MAGI1: variants seen among roughly 807,000 people sequenced by gnomAD.
The protein encoded by MAGI1 is membrane-associated guanylate kinase, WW and PDZ domain-containing protein 1.
A neutral mutation model predicts 139.9 loss-of-function variants in MAGI1; 58 were observed. The observed-to-expected ratio is 0.41, with a 90% CI of 0.34 to 0.52. The LOEUF (loss-of-function observed/expected upper bound fraction) is 0.52. Ranked by LOEUF, MAGI1 falls within the 20% of genes least tolerant of loss-of-function variation. The probability of loss-of-function intolerance (pLI) is 0.12; values close to 1 mark genes in which losing one functional copy is unlikely to be tolerated. For missense variants in MAGI1, 1,874 were observed against 1,901.6 expected (o/e 0.99, Z 0.27); for synonymous variants, 812 against 737.9 (o/e 1.10, Z -1.63).
chr3:65,795,149 A>G (rs2040040992), intron 1 of MAGI1, among the ~76,000 whole-genome samples: 1 of 152,378 alleles, frequency 6.6e-6, no homozygotes, highest in South Asian at 2.1e-4. Flanking sequence ...TTGTGCTTTT[A>G]AATGAGAAAA....
chr3:65,357,004 GTGA>G lies in MAGI1; in HGVS notation c.3760_3762del (p.Ser1254del). 6.2e-7 allele frequency: 1 copy of G among 1,614,198 alleles called. No homozygotes were observed. Among genetic ancestry groups the G allele is most frequent in the Non-Finnish European group, 8.5e-7 (1 of 1,180,030 alleles). On this transcript the variant is annotated inframe_deletion, in exon 23 of 23. Transcript: ENST00000402939. The stretch of plus-strand genomic sequence containing the variant: ...GCGTGTGCCCGCTTTTCCCCATGTG[GTGA>G]TGATTTGTGAAGATCGGGTGGGTAA...
chr3:65,406,666 G>A (rs577046770), intron 12 of MAGI1, among the ~76,000 whole-genome samples: 6 of 146,470 alleles, frequency 4.1e-5, no homozygotes, highest in Non-Finnish European at 7.6e-5. Flanking sequence ...TTACAGTTTC[G>A]CAAGGCAAAT....
At chr3:65,812,920 A>G (rs1454626231) in intron 1 of MAGI1, among the ~76,000 whole-genome samples, 2 of 151,598 alleles carry the variant, frequency 1.3e-5, no homozygotes, top group African/African-American at 4.8e-5. Context: ...CATGTTGGTG[A>G]GGCTGGTCTC....
At chr3:65,666,058 T>C (rs1174017908) in intron 1 of MAGI1, among the ~76,000 whole-genome samples, 2 of 152,002 alleles carry the variant, frequency 1.3e-5, no homozygotes, top group Non-Finnish European at 2.9e-5. Context: ...AAAAAGTAAC[T>C]CCACCCAGAA....
rs555646276 is a variant in MAGI1 at position 65,990,221 on chromosome 3, A to G, written c.313+47775T>C. ...AGTCACCACGGCAAGGTGCGGGATCATGAACTCAAGTTCAGTATCTTGCTC... is the reference window on the plus strand; with the variant it reads ...AGTCACCACGGCAAGGTGCGGGATCGTGAACTCAAGTTCAGTATCTTGCTC... On this transcript the variant is annotated intron_variant, in intron 1 of 22. Transcript: ENST00000402939. Among the ~76,000 whole-genome samples the G allele has an allele frequency of 3.9e-5, 6 of 152,308 alleles. No homozygotes were observed. In the South Asian group the frequency reaches 1.2e-3, roughly 32 times the overall value.
At chr3:65,672,899 T>C (rs913474570) in intron 1 of MAGI1, among the ~76,000 whole-genome samples, 9 of 152,224 alleles carry the variant, frequency 5.9e-5, no homozygotes, top group Non-Finnish European at 1.0e-4. Context: ...TAGAAGGGAA[T>C]CAATTAATCT....
intron 2 of MAGI1, among the ~76,000 whole-genome samples, chr3:65,493,926 A>T (rs565920158): frequency 6.6e-6 from 1 of 152,214 alleles, no homozygotes; most frequent in Non-Finnish European, 1.5e-5. Flanking sequence ...TGAATAAAAA[A>T]GGTGAACTGG....
At position 65,375,849 on chromosome 3, in the gene MAGI1, A is replaced by C. The variant is rs780434014; in HGVS notation, c.3092T>G (p.Leu1031Trp). 6.2e-7 allele frequency: 1 copy of C among 1,614,140 alleles called. No individual in the cohort carries two copies. The highest frequency in any genetic ancestry group is 1.1e-5 in the South Asian group (1 of 91,074). The change falls in exon 18 of 23, where the codon TTG becomes TGG. Residue 1031 changes from leucine (L) to tryptophan (W), a missense_variant. Transcript: ENST00000402939. Reference sequence around the variant, plus strand: ...GGTGATGGAACATCCATTTACTGCCAAGATCCGGTCTCCTACTTTCAGCTT... The same window carrying C: ...GGTGATGGAACATCCATTTACTGCCCAGATCCGGTCTCCTACTTTCAGCTT... ...CGKLKVGDRILAVNGCSITNK... is the reference protein window; with the variant it reads ...CGKLKVGDRIWAVNGCSITNK...
At chr3:65,765,518 C>T (rs1304723648) in intron 1 of MAGI1, among the ~76,000 whole-genome samples, 1 of 152,146 alleles carries the variant, frequency 6.6e-6, no homozygotes, top group African/African-American at 2.4e-5. Context: ...AGTCATTTAT[C>T]CAAAGTCGTT....
At chr3:65,957,904 G>T (rs1336754647) in intron 1 of MAGI1, among the ~76,000 whole-genome samples, 1 of 152,070 alleles carries the variant, frequency 6.6e-6, no homozygotes, top group African/African-American at 2.4e-5. Context: ...AAGTAGCTGA[G>T]ATTACATGCA....
At chr3:65,538,614 T>G (rs1200191230) in intron 2 of MAGI1, among the ~76,000 whole-genome samples, 1 of 152,124 alleles carries the variant, frequency 6.6e-6, no homozygotes, top group Non-Finnish European at 1.5e-5. Context: ...AGCCTGTAAT[T>G]GAGCTGAAAA....
intron 1 of MAGI1, among the ~76,000 whole-genome samples, chr3:65,659,164 G>A (rs1397010214): frequency 6.6e-6 from 1 of 152,028 alleles, no homozygotes; most frequent in Non-Finnish European, 1.5e-5. Context: ...CTTAACCACT[G>A]TGTTATGAAG....
chr3:65,455,340 C>A (rs1422672967), intron 5 of MAGI1, among the ~76,000 whole-genome samples: 3 of 152,124 alleles, frequency 2.0e-5, no homozygotes, highest in African/African-American at 7.2e-5. Context: ...TACCTTCCAA[C>A]CATTCCCCCC....
chr3:65,985,404 T>C (rs1434005281), intron 1 of MAGI1, among the ~76,000 whole-genome samples: 15 of 152,132 alleles, frequency 9.9e-5, no homozygotes, highest in Non-Finnish European at 2.1e-4. Flanking sequence ...TCAATGGACT[T>C]TGAGAGTTAG....
chr3:65,576,667 C>A (rs1404390844), intron 2 of MAGI1, among the ~76,000 whole-genome samples: 1 of 152,120 alleles, frequency 6.6e-6, no homozygotes, highest in Non-Finnish European at 1.5e-5. Flanking sequence ...TAACGGTTTC[C>A]TTTAAGAGCC....
At chr3:65,424,972 A>C (rs1946903249) in intron 12 of MAGI1, among the ~76,000 whole-genome samples, 1 of 151,836 alleles carries the variant, frequency 6.6e-6, no homozygotes, top group African/African-American at 2.4e-5. Context: ...GCTATTCAGG[A>C]GGCTAAGGCA....
At chr3:65,937,941 A>G (rs1576158649) in intron 1 of MAGI1, among the ~76,000 whole-genome samples, 2 of 152,198 alleles carry the variant, frequency 1.3e-5, no homozygotes, top group African/African-American at 4.8e-5. Context: ...TTATAAAAAA[A>G]GAAAAAGAGA....
At chr3:65,862,498 G>T (rs1262247982) in intron 1 of MAGI1, among the ~76,000 whole-genome samples, 1 of 152,104 alleles carries the variant, frequency 6.6e-6, no homozygotes, top group Non-Finnish European at 1.5e-5. Context: ...AGCACAGCAG[G>T]ATCTACCACT....
chr3:65,651,203 TC>T (rs1423544654), intron 1 of MAGI1, among the ~76,000 whole-genome samples: 1 of 152,154 alleles, frequency 6.6e-6, no homozygotes, highest in Non-Finnish European at 1.5e-5. Flanking sequence ...TAGAATGAAA[TC>T]CCACATTATG....
Sources: gnomAD v4.1 joint callset for allele counts (sites outside exome capture counted in the v4.1 genomes callset) on GRCh38, gnomAD v4.1.1 for gene constraint, MANE v1.5 for transcripts, NCBI Gene and HGNC (gene_info 2026-07-23, HGNC 2026-07-21) for gene names.